Variants in PIWIL2 observed in about 807,000 individuals in gnomAD.
PIWIL2 encodes piwi-like protein 2.
PIWIL2 carries 81 observed loss-of-function variants against 116.5 expected under a neutral mutation model. The ratio of observed to expected loss-of-function variants is 0.70; its 90% CI spans 0.58 to 0.84. PIWIL2 has a LOEUF of 0.84. Among genes scored for constraint, PIWIL2 ranks in the 40% least tolerant of loss-of-function variants. The pLI is 0.00. For missense variants in PIWIL2, 1,272 were observed against 1,212.3 expected (o/e 1.05, Z -0.73); for synonymous variants, 489 against 429.5 (o/e 1.14, Z -1.71).
chr8:22,311,431 A>C, intron 16 of PIWIL2, 131 bp downstream of exon 16: 1 of 696,616 alleles, frequency 1.4e-6, no homozygotes, highest in Non-Finnish European at 2.3e-6. Flanking sequence ...TGCGCACATG[A>C]AATACTGATT....
rs761701747 is a variant in PIWIL2 at position 22,283,204 on chromosome 8, A to C, written c.596A>C (p.Asp199Ala). The C allele has an allele frequency of 1.9e-6, 3 of 1,614,010 alleles. No individual in the cohort carries two copies. The South Asian group carries it at 3.3e-5, about 18-fold the overall frequency. The change falls in exon 5 of 23, where the codon GAT (aspartate) becomes GCT (alanine). Residue 199 changes from aspartate to alanine, a missense_variant. Coordinates refer to ENST00000356766, the MANE Select transcript of PIWIL2 (RefSeq NM_018068.5). ...ALPQSPLHSP[D>A]RPLVLTVEHK... The stretch of plus-strand genomic sequence containing the variant: ...CCCCAGTCTCCCCTGCACTCTCCAG[A>C]TCGCCCTCTGGTCCTGACTGTGGAA...
At chr8:22,304,937 C>A in intron 12 of PIWIL2, 69 bp downstream of exon 12, 2 of 1,058,476 alleles carry the variant, frequency 1.9e-6, no homozygotes, top group East Asian at 2.4e-5. Flanking sequence ...TTTAGCCGTC[C>A]TCATGGCTTT....
intron 7 of PIWIL2, among the ~76,000 whole-genome samples, chr8:22,288,227 G>A (rs1000202065): frequency 2.0e-5 from 3 of 151,686 alleles, no homozygotes; most frequent in African/African-American, 7.3e-5. Flanking sequence ...CAACCCAGGA[G>A]GCGGAGCCTG....
chr8:22,335,283 A>T (rs1320096328), intron 20 of PIWIL2, among the ~76,000 whole-genome samples: 1 of 152,200 alleles, frequency 6.6e-6, no homozygotes, highest in Non-Finnish European at 1.5e-5. Flanking sequence ...CATTAAGTGT[A>T]ACTGAACTCA....
intron 1 of PIWIL2, among the ~76,000 whole-genome samples, chr8:22,277,022 T>C (rs1019738389): frequency 1.5e-5 from 2 of 135,256 alleles, no homozygotes; most frequent in African/African-American, 3.1e-5. Flanking sequence ...TAAAGTGATA[T>C]ATATATATAT....
intron 20 of PIWIL2, among the ~76,000 whole-genome samples, chr8:22,347,042 A>G (rs1174889100): frequency 6.6e-6 from 1 of 151,910 alleles, no homozygotes; most frequent in Non-Finnish European, 1.5e-5. Flanking sequence ...ATGGTAGTAT[A>G]TGCCTGTAGT....
At chr8:22,346,000 TTAGA>T (rs1343038849) in intron 20 of PIWIL2, among the ~76,000 whole-genome samples, 1 of 152,090 alleles carries the variant, frequency 6.6e-6, no homozygotes, top group Non-Finnish European at 1.5e-5. Context: ...TGTTCTAAAA[TTAGA>T]TAGTGGTGAT....
rs1294950591 is a variant in PIWIL2 at position 22,290,277 on chromosome 8, A to G, written c.1112A>G (p.Asp371Gly). Residue 371 changes from aspartate (D) to glycine (G), a missense_variant, in exon 10 of 23, where the codon GAT (aspartate) becomes GGT (glycine). By Grantham distance (94) the Asp-to-Gly change is moderately conservative. Coordinates refer to ENST00000356766, the MANE Select transcript of PIWIL2 (RefSeq NM_018068.5). ...TATGCAGCTAGCATCCGAAGGACAG[A>G]TGGAGGGCTCTTCCTGCTAGCTGAT... is the stretch of plus-strand genomic sequence containing the variant. The part of the protein sequence containing the change: ...PGYAASIRRT[D>G]GGLFLLADVS... 5.0e-6 allele frequency: 8 copies of G among 1,612,588 alleles called. No homozygotes were observed. The highest frequency in any genetic ancestry group is 4.5e-5 in the East Asian group (2 of 44,834).
In PIWIL2 at chr8:22,310,544, T is replaced by C. The variant is rs530610705; in HGVS notation, c.1800+470T>C. Among the ~76,000 whole-genome samples the C allele has an allele frequency of 4.4e-4, 67 of 152,364 alleles. 1 individual carries two copies. Among genetic ancestry groups the C allele is most frequent in the African/African-American group, 1.6e-3 (65 of 41,596 alleles). On this transcript the variant is annotated intron_variant, in intron 15 of 22. Coordinates refer to ENST00000356766, the MANE Select transcript of PIWIL2 (RefSeq NM_018068.5). ...ATGGCCAGATATATAAAAACAGATA[T>C]ATAAAATGCATGTTTTTAAATGTTT... is the stretch of plus-strand genomic sequence containing the variant.
At chr8:22,336,747 A>C (rs62492570) in intron 20 of PIWIL2, among the ~76,000 whole-genome samples, 1 of 152,292 alleles carries the variant, frequency 6.6e-6, no homozygotes, top group Non-Finnish European at 1.5e-5. Flanking sequence ...CTCTAAAAAT[A>C]ATATTAGTAG....
Position 22,281,699 on chromosome 8 carries a change from G to A in PIWIL2, c.425+184G>A, listed in dbSNP as rs143290886. On this transcript the variant is annotated intron_variant, in intron 4 of 22. Coordinates refer to ENST00000356766, the MANE Select transcript of PIWIL2 (RefSeq NM_018068.5). ...ACAGCTAGGCATTGGAAAAGGGTAA[G>A]AAGTAGTTCTCCACTGGGCTGTTCA... Among the ~76,000 whole-genome samples, 10 of 151,546 alleles carry A rather than the reference G, an allele frequency of 6.6e-5. No individual in the cohort carries two copies. The South Asian group carries it at 1.3e-3, about 19-fold the overall frequency.
At position 22,328,817 on chromosome 8, in the gene PIWIL2, C is replaced by CTT. The variant is rs1563408402; in HGVS notation, c.2403+10542_2403+10543insTT. Among the ~76,000 whole-genome samples, 43 of 46,558 alleles carry CTT rather than the reference C, an allele frequency of 9.2e-4. No individual in the cohort carries two copies. In the East Asian group the frequency reaches 0.035, roughly 37 times the overall value. 30.5% of individuals were successfully genotyped at this position (46,558 alleles called of 152,430 possible). On this transcript the variant is annotated intron_variant, in intron 20 of 22. Transcript: ENST00000356766. ...TCTGAATGTGGTTATGAGCTCTAGT[C>CTT]GTTTTTTTTTTTTTTTTTTTAATTC...
intron 20 of PIWIL2, among the ~76,000 whole-genome samples, chr8:22,336,266 C>T (rs143950303): frequency 2.0e-5 from 3 of 152,180 alleles, no homozygotes; most frequent in African/African-American, 7.2e-5. Context: ...TTAAAAATGA[C>T]TTTAATCTTT....
intron 20 of PIWIL2, among the ~76,000 whole-genome samples, chr8:22,328,817 CG>C (rs894640979): frequency 1.9e-4 from 9 of 46,584 alleles, no homozygotes; most frequent in African/African-American, 3.8e-4. Context: ...GAGCTCTAGT[CG>C]TTTTTTTTTT....
chr8:22,283,903 T>C lies in PIWIL2; in HGVS notation c.633-259T>C, dbSNP rs568693721. On this transcript the variant is annotated intron_variant, in intron 5 of 22. Coordinates refer to ENST00000356766, the MANE Select transcript of PIWIL2 (RefSeq NM_018068.5). Reference sequence around the variant, plus strand: ...TAGAACTCATTCTTGTGTTCCTAGTTAATGGGACTAGTTTATTTGGTAATG... The same window carrying C: ...TAGAACTCATTCTTGTGTTCCTAGTCAATGGGACTAGTTTATTTGGTAATG... Among the ~76,000 whole-genome samples, 85 of 152,350 alleles carry C rather than the reference T, an allele frequency of 5.6e-4. 1 individual carries two copies. Among genetic ancestry groups the C allele is most frequent in the African/African-American group, 2.0e-3 (84 of 41,584 alleles).
intron 10 of PIWIL2, among the ~76,000 whole-genome samples, chr8:22,301,572 G>A (rs1831050274): frequency 6.6e-6 from 1 of 152,138 alleles, no homozygotes; most frequent in Non-Finnish European, 1.5e-5. Flanking sequence ...GGGATTACAG[G>A]CATGAGCCAC....
intron 16 of PIWIL2, among the ~76,000 whole-genome samples, chr8:22,314,030 C>G (rs1007566207): frequency 1.3e-5 from 2 of 152,178 alleles, no homozygotes; most frequent in African/African-American, 4.8e-5. Flanking sequence ...GCATTCAAAC[C>G]TGGTCCTTTT....
chr8:22,331,483 T>C (rs149358933), intron 20 of PIWIL2, among the ~76,000 whole-genome samples: 2,894 of 151,882 alleles, frequency 0.019, 80 homozygotes, highest in Admixed American at 0.062. Context: ...CTGTTGCAAA[T>C]AAAAATAAAA....
intron 20 of PIWIL2, among the ~76,000 whole-genome samples, chr8:22,327,263 C>A (rs1831746555): frequency 6.6e-6 from 1 of 151,690 alleles, no homozygotes; most frequent in Admixed American, 6.6e-5. Flanking sequence ...TCTCGAACTC[C>A]TGACCTCAGG....
Sources: gnomAD v4.1 joint callset for allele counts (sites outside exome capture counted in the v4.1 genomes callset) on GRCh38, gnomAD v4.1.1 for gene constraint, MANE v1.5 for transcripts, NCBI Gene and HGNC (gene_info 2026-07-23, HGNC 2026-07-21) for gene names.